The following CLEC16A variants were observed in gnomAD, a reference collection of about 807,000 sequenced individuals.
CLEC16A encodes the protein protein CLEC16A.
In CLEC16A, 51 loss-of-function variants were observed where a neutral mutation model predicts 109.5. The ratio of observed to expected loss-of-function variants is 0.47; its 90% CI spans 0.37 to 0.59. CLEC16A has a LOEUF of 0.59. CLEC16A is among the 20% of genes least tolerant of loss of function. The probability of loss-of-function intolerance (pLI) is 0.00; values close to 1 mark genes in which losing one functional copy is unlikely to be tolerated. For synonymous variants in CLEC16A, 673 were observed against 564.2 expected (o/e 1.19, Z -2.73); for missense variants, 1,339 against 1,394.0 (o/e 0.96, Z 0.63).
intron 19 of CLEC16A, among the ~76,000 whole-genome samples, chr16:11,115,269 A>G (rs942432856): frequency 1.3e-5 from 2 of 152,218 alleles, no homozygotes; most frequent in Admixed American, 6.5e-5. Flanking sequence ...AGGAGGGGGA[A>G]GGAGGATAGA....
At chr16:11,002,634 A>G (rs909714462) in intron 10 of CLEC16A, among the ~76,000 whole-genome samples, 6 of 151,890 alleles carry the variant, frequency 4.0e-5, no homozygotes, top group Non-Finnish European at 2.9e-5. Context: ...ACACCCTCCC[A>G]TCATCCACCC....
At chr16:11,169,235 G>A (rs1262458655) in intron 23 of CLEC16A, among the ~76,000 whole-genome samples, 1 of 152,176 alleles carries the variant, frequency 6.6e-6, no homozygotes, top group Admixed American at 6.5e-5. Flanking sequence ...CAGACCCTCC[G>A]AAGTCAGAAC....
rs549491355 is a variant in CLEC16A at position 11,022,671 on chromosome 16, G to C, written c.1437-2150G>C. Among the ~76,000 whole-genome samples, 5 of 152,140 alleles carry C rather than the reference G, an allele frequency of 3.3e-5. No homozygotes were observed. The East Asian group carries it at 9.7e-4, about 29-fold the overall frequency. On this transcript the variant is annotated intron_variant, in intron 12 of 23. Transcript: ENST00000409790. ...TCGCAGCACTTTGGGAGGCCAAGGTGGGCAGATCATGAGGTCAGGAGATCG... is the reference window on the plus strand; with the variant it reads ...TCGCAGCACTTTGGGAGGCCAAGGTCGGCAGATCATGAGGTCAGGAGATCG...
intron 23 of CLEC16A, among the ~76,000 whole-genome samples, chr16:11,171,281 G>T (rs1016847088): frequency 6.6e-6 from 1 of 152,226 alleles, no homozygotes; most frequent in East Asian, 1.9e-4. Flanking sequence ...CCCTCCGTGT[G>T]CAGCACCTGC....
At chr16:10,950,170 G>T (rs2041652006) in intron 1 of CLEC16A, among the ~76,000 whole-genome samples, 1 of 152,168 alleles carries the variant, frequency 6.6e-6, no homozygotes, top group Admixed American at 6.5e-5. Context: ...AGCTGGCCGG[G>T]GTTCCTGTCC....
intron 22 of CLEC16A, among the ~76,000 whole-genome samples, chr16:11,139,475 C>G (rs2053723222): frequency 6.6e-6 from 1 of 152,150 alleles, no homozygotes. Context: ...CTCAAATTCC[C>G]AAAGGGCCAA....
At chr16:11,169,931 T>G (rs938570597) in intron 23 of CLEC16A, among the ~76,000 whole-genome samples, 1 of 152,150 alleles carries the variant, frequency 6.6e-6, no homozygotes, top group Non-Finnish European at 1.5e-5. Context: ...GTCCCCTTGT[T>G]GAATCCTGCC....
chr16:11,118,511 C>A (rs919936881), intron 19 of CLEC16A, among the ~76,000 whole-genome samples: 6 of 152,190 alleles, frequency 3.9e-5, no homozygotes, highest in African/African-American at 1.4e-4. Flanking sequence ...CTTGGTGATT[C>A]TGTCATGGCT....
chr16:10,997,654 G>T (rs1482366742), intron 10 of CLEC16A, among the ~76,000 whole-genome samples: 1 of 152,210 alleles, frequency 6.6e-6, no homozygotes, highest in Non-Finnish European at 1.5e-5. Flanking sequence ...AATAGTGCTG[G>T]TAATAAAACA....
At chr16:11,020,966 C>T (rs768449299) in intron 12 of CLEC16A, among the ~76,000 whole-genome samples, 2 of 152,232 alleles carry the variant, frequency 1.3e-5, no homozygotes, top group Non-Finnish European at 2.9e-5. Flanking sequence ...GGCTTCATTT[C>T]AGAGTTATTT....
intron 22 of CLEC16A, among the ~76,000 whole-genome samples, chr16:11,163,169 A>C (rs928081536): frequency 6.6e-6 from 1 of 152,242 alleles, no homozygotes; most frequent in African/African-American, 2.4e-5. Flanking sequence ...CAGGAACCAG[A>C]GGACAGGGCG....
chr16:11,164,369 G>A (rs139174114), intron 22 of CLEC16A, among the ~76,000 whole-genome samples: 20 of 152,304 alleles, frequency 1.3e-4, no homozygotes, highest in African/African-American at 4.6e-4. Flanking sequence ...ATCTTTAGAC[G>A]AAAACAGCTT....
chr16:11,166,280 G>T, intron 22 of CLEC16A, 108 bp from the exon 23 acceptor site: 1 of 1,265,908 alleles, frequency 7.9e-7, no homozygotes, highest in Non-Finnish European at 1.1e-6. Context: ...AGGGAACAGA[G>T]CAGGACTTTC....
chr16:11,076,607 C>G (rs1401328915), intron 19 of CLEC16A, among the ~76,000 whole-genome samples: 1 of 152,074 alleles, frequency 6.6e-6, no homozygotes, highest in Admixed American at 6.5e-5. Context: ...ATTGCTCAGG[C>G]CTCAGGAGGG....
At chr16:11,055,575 C>CT (rs71136609) in intron 18 of CLEC16A, among the ~76,000 whole-genome samples, 3,711 of 41,512 alleles carry the variant, frequency 0.089, 1,420 homozygotes, top group South Asian at 0.13. Context: ...TTCCCTCTTG[C>CT]TTTTTTTTTT....
chr16:11,035,257 T>TG (rs1429259222), intron 13 of CLEC16A, among the ~76,000 whole-genome samples: 1 of 152,206 alleles, frequency 6.6e-6, no homozygotes, highest in Non-Finnish European at 1.5e-5. Context: ...GGGTGATGGT[T>TG]GGGCTTTTTT....
At chr16:11,130,930 G>A (rs1672693356) in intron 22 of CLEC16A, among the ~76,000 whole-genome samples, 1 of 152,164 alleles carries the variant, frequency 6.6e-6, no homozygotes, top group Non-Finnish European at 1.5e-5. Flanking sequence ...ATGAAAATAT[G>A]CCTTTCATTT....
At chr16:10,953,845 C>A (rs550827233) in intron 1 of CLEC16A, among the ~76,000 whole-genome samples, 1 of 152,160 alleles carries the variant, frequency 6.6e-6, no homozygotes, top group South Asian at 2.1e-4. Flanking sequence ...AGCGTGCTGG[C>A]GGGCGCCTGT....
Position 11,120,894 on chromosome 16 carries a change from T to G in CLEC16A, c.2268+128T>G, listed in dbSNP as rs934301122. On this transcript the variant is annotated intron_variant, in intron 20 of 23. Transcript: ENST00000409790. ...TTGTAGTGATATTATACAAGGTATATGTGAACAAATTGTCACCCAAAAAAA... is the reference window on the plus strand; with the variant it reads ...TTGTAGTGATATTATACAAGGTATAGGTGAACAAATTGTCACCCAAAAAAA... 1.0e-5 allele frequency: 10 copies of G among 1,001,814 alleles called. No individual in the cohort carries two copies. In the African/African-American group the frequency reaches 1.3e-4, roughly 13 times the overall value. 62.1% of individuals were successfully genotyped at this position (1,001,814 alleles called of 1,614,324 possible). A position where few individuals can be genotyped will look rare whatever the true frequency, so the allele number is the denominator to read the frequency against.
Sources: allele counts gnomAD v4.1 joint callset (sites outside exome capture counted in the v4.1 genomes callset), GRCh38; gene constraint gnomAD v4.1.1; transcripts MANE v1.5; gene names NCBI Gene and HGNC (gene_info 2026-07-23, HGNC 2026-07-21).